The following NME8 variants were observed in gnomAD, a reference collection of about 807,000 sequenced individuals.
NME8 encodes the protein NME/NM23 family member 8.
NME8 carries 72 observed loss-of-function variants against 82.3 expected under a neutral mutation model. The observed-to-expected ratio is 0.87, with a 90% CI of 0.72 to 1.06. The LOEUF (loss-of-function observed/expected upper bound fraction) is 1.06, where lower values mean the gene tolerates loss of function less well. Among genes scored for constraint, NME8 ranks in the 50% least tolerant of loss-of-function variants. The pLI is 0.00. For missense variants in NME8, 712 were observed against 685.4 expected (o/e 1.04, Z -0.43); for synonymous variants, 267 against 228.5 (o/e 1.17, Z -1.52).
At chr7:37,859,858 A>G (rs879801736) in intron 6 of NME8, among the ~76,000 whole-genome samples, 2 of 152,186 alleles carry the variant, frequency 1.3e-5, no homozygotes, top group African/African-American at 2.4e-5. Context: ...TCCTGCAATC[A>G]TGTCTCAGAC....
Position 37,888,340 on chromosome 7 carries a change from A to G in NME8, c.1311A>G (p.Leu437=). The part of the protein sequence containing the change: ...PVNQLYGSDS[L]ETAEREIQHF... ...ACCAGTTGTATGGCAGCGATTCATT[A>G]GAAACCGCTGAAAGGGAAATACAGC... Residue 437 remains leucine, a synonymous_variant, in exon 15 of 18, where the codon TTA becomes TTG. Transcript: ENST00000199447. The G allele has an allele frequency of 6.2e-7, 1 of 1,613,674 alleles. No individual in the cohort carries two copies. The highest frequency in any genetic ancestry group is 8.5e-7 in the Non-Finnish European group (1 of 1,179,696).
rs577692276 is a variant in NME8 at position 37,860,269 on chromosome 7, G to A, written c.271-1759G>A. On this transcript the variant is annotated intron_variant, in intron 6 of 17. Transcript: ENST00000199447. ...CTTGTCTTCACCTCACAGCTAAGTT[G>A]GTCAGAAGACTTTTTATATTTAATT... Among the ~76,000 whole-genome samples, 11 of 152,164 alleles carry A rather than the reference G, an allele frequency of 7.2e-5. No individual in the cohort carries two copies. In the East Asian group the frequency reaches 2.1e-3, roughly 29 times the overall value.
chr7:37,860,956 A>G (rs1784589904), intron 6 of NME8, among the ~76,000 whole-genome samples: 1 of 151,984 alleles, frequency 6.6e-6, no homozygotes, highest in African/African-American at 2.4e-5. Context: ...GGACCTGTAA[A>G]TTTTACTGCC....
intron 15 of NME8, among the ~76,000 whole-genome samples, chr7:37,893,469 G>A (rs1294145061): frequency 2.6e-5 from 4 of 152,060 alleles, no homozygotes; most frequent in Non-Finnish European, 5.9e-5. Context: ...CTACTTACTT[G>A]GCCAACTTCA....
At chr7:37,869,548 A>C (rs569318417) in intron 11 of NME8, among the ~76,000 whole-genome samples, 4 of 152,298 alleles carry the variant, frequency 2.6e-5, no homozygotes, top group Admixed American at 2.6e-4. Flanking sequence ...TACTCGCATG[A>C]CACCATGGAC....
chr7:37,865,451 C>T (rs890333226), intron 9 of NME8, 74 bp from the exon 10 acceptor site: 7 of 1,013,768 alleles, frequency 6.9e-6, no homozygotes, highest in African/African-American at 3.2e-5. Flanking sequence ...GTTTGTTAAG[C>T]CCAAAAAACA....
chr7:37,858,907 C>G (rs1784554758), intron 6 of NME8, among the ~76,000 whole-genome samples: 1 of 152,044 alleles, frequency 6.6e-6, no homozygotes, highest in Non-Finnish European at 1.5e-5. Context: ...AGTGAGTTCT[C>G]CCTCTATTAG....
intron 11 of NME8, among the ~76,000 whole-genome samples, chr7:37,871,626 G>T (rs886580409): frequency 6.6e-6 from 1 of 151,992 alleles, no homozygotes; most frequent in South Asian, 2.1e-4. Context: ...TACAAAGATG[G>T]GGAAGAATTA....
intron 11 of NME8, 102 bp from the exon 12 acceptor site, chr7:37,876,730 A>C: frequency 5.9e-6 from 5 of 845,204 alleles, no homozygotes; most frequent in African/African-American, 1.7e-5. Flanking sequence ...TTTTTGTTTT[A>C]TTAAACTTCT....
At chr7:37,889,001 T>C (rs1329686314) in intron 15 of NME8, among the ~76,000 whole-genome samples, 2 of 151,962 alleles carry the variant, frequency 1.3e-5, no homozygotes, top group Non-Finnish European at 2.9e-5. Flanking sequence ...TCCAAAAGAG[T>C]GTAAGCAGCA....
chr7:37,863,256 G>C (rs1784625370), intron 7 of NME8, 140 bp from the exon 8 acceptor site: 1 of 629,226 alleles, frequency 1.6e-6, no homozygotes, highest in Non-Finnish European at 2.8e-6. Context: ...AGTAATGTTA[G>C]ATAAGTTCAG....
chr7:37,851,774 G>A (rs577341828), intron 5 of NME8, among the ~76,000 whole-genome samples: 32 of 152,152 alleles, frequency 2.1e-4, no homozygotes, highest in African/African-American at 7.0e-4. Flanking sequence ...AGATACAGGA[G>A]CAGATAACAG....
chr7:37,895,849 G>A (rs1785220013), intron 16 of NME8, among the ~76,000 whole-genome samples: 1 of 152,144 alleles, frequency 6.6e-6, no homozygotes, highest in African/African-American at 2.4e-5. Context: ...ATAGTAACAT[G>A]CTATACAGGT....
intron 11 of NME8, among the ~76,000 whole-genome samples, chr7:37,871,213 C>T (rs1784762461): frequency 1.3e-5 from 2 of 152,158 alleles, no homozygotes; most frequent in Non-Finnish European, 2.9e-5. Context: ...GACAAACACT[C>T]ACAGCTTATG....
At position 37,886,400 on chromosome 7, in the gene NME8, A is replaced by G. The variant is rs571863860; in HGVS notation, c.1247+1148A>G. Among the ~76,000 whole-genome samples the G allele has an allele frequency of 3.3e-5, 5 of 152,268 alleles. No homozygotes were observed. In the East Asian group the frequency reaches 7.7e-4, roughly 24 times the overall value. On this transcript the variant is annotated intron_variant, in intron 14 of 17. Coordinates refer to ENST00000199447, the MANE Select transcript of NME8 (RefSeq NM_016616.5). ...TACTGAAAATTGCCCCATGTTCACA[A>G]TTAATCTTAATCTTTATTTCTAATT...
intron 10 of NME8, 89 bp downstream of exon 10, chr7:37,865,706 A>T: frequency 2.3e-6 from 2 of 857,674 alleles, no homozygotes; most frequent in South Asian, 1.4e-5. Flanking sequence ...AAAGCAAATT[A>T]GTAAGTCTGA....
intron 12 of NME8, among the ~76,000 whole-genome samples, chr7:37,882,240 C>T (rs1335788449): frequency 6.6e-6 from 1 of 152,118 alleles, no homozygotes; most frequent in Non-Finnish European, 1.5e-5. Flanking sequence ...GTAGTACCAG[C>T]ACCTTGGGAG....
chr7:37,888,310 G>T lies in NME8; in HGVS notation c.1281G>T (p.Pro427=), dbSNP rs750087914. Residue 427 remains proline (P), a synonymous_variant, in exon 15 of 18, where the codon CCG becomes CCT. Coordinates refer to ENST00000199447, the MANE Select transcript of NME8 (RefSeq NM_016616.5). ...CACAGTTTGCGATGGACAGTTTGCC[G>T]GTCAACCAGTTGTATGGCAGCGATT... ...LCAQFAMDSL[P]VNQLYGSDSL... 3 of 1,613,532 alleles carry T rather than the reference G, an allele frequency of 1.9e-6. No homozygotes were observed. Among genetic ancestry groups the T allele is most frequent in the Non-Finnish European group, 1.7e-6 (2 of 1,179,654 alleles).
chr7:37,856,411 T>C (rs747582644), intron 5 of NME8, among the ~76,000 whole-genome samples: 4 of 152,276 alleles, frequency 2.6e-5, no homozygotes, highest in Middle Eastern at 3.4e-3. Context: ...CAGACTGTGC[T>C]GGCACCCTAA....
Sources: allele counts gnomAD v4.1 joint callset (sites outside exome capture counted in the v4.1 genomes callset), GRCh38; gene constraint gnomAD v4.1.1; transcripts MANE v1.5; gene names NCBI Gene and HGNC (gene_info 2026-07-23, HGNC 2026-07-21).